Variants in COL6A5 observed in about 807,000 individuals in gnomAD.
COL6A5 encodes the protein collagen alpha-5(VI) chain.
Under a neutral mutation model 65.6 loss-of-function variants are expected in COL6A5, and 48 were observed. That is an observed-to-expected ratio of 0.73 (90% CI 0.58 to 0.93). The LOEUF (loss-of-function observed/expected upper bound fraction) is 0.93. Ranked by LOEUF, COL6A5 falls within the 40% of genes least tolerant of loss-of-function variation. The pLI, the probability that COL6A5 is intolerant of heterozygous loss-of-function variation, is 0.00. For missense variants in COL6A5, 914 were observed against 928.3 expected, an observed-to-expected ratio of 0.98 and a Z score of 0.20; for synonymous variants, 291 against 322.8, an observed-to-expected ratio of 0.90 and a Z score of 1.05.
intron 13 of COL6A5, among the ~76,000 whole-genome samples, chr3:130,404,011 C>T (rs922871613): frequency 2.0e-4 from 30 of 152,276 alleles, no homozygotes; most frequent in African/African-American, 5.8e-4. Context: ...GCACCCTCCT[C>T]TCTACCCCCA....
At chr3:130,439,783 G>A (rs942720627) in intron 2 of COL6A5, among the ~76,000 whole-genome samples, 168 bp downstream of exon 34, 1 of 152,122 alleles carries the variant, frequency 6.6e-6, no homozygotes, top group African/African-American at 2.4e-5. Context: ...GGAATGTTTG[G>A]AGTTTCCATA....
chr3:130,456,877 A>T (rs947975447), intron 5 of COL6A5, among the ~76,000 whole-genome samples: 2 of 152,130 alleles, frequency 1.3e-5, no homozygotes, highest in Non-Finnish European at 2.9e-5. Context: ...TTTCTAAAAT[A>T]TAAATACTCG....
chr3:130,411,133 C>T (rs1937162484), intron 20 of COL6A5, among the ~76,000 whole-genome samples: 1 of 152,118 alleles, frequency 6.6e-6, no homozygotes, highest in African/African-American at 2.4e-5. Flanking sequence ...TTACAGCATC[C>T]CACGTTATAT....
At chr3:130,345,977 GC>G (rs1934458925) in exon 1 of COL6A5, 2 of 398,592 alleles carry the variant, frequency 5.0e-6, no homozygotes, top group Admixed American at 4.4e-5. Flanking sequence ...CCCCGGGAAA[GC>G]TGGGTAAGTA....
chr3:130,362,348 G>A (rs1935172094), intron 1 of COL6A5, among the ~76,000 whole-genome samples: 1 of 75,870 alleles, frequency 1.3e-5, no homozygotes, highest in South Asian at 4.2e-4. Flanking sequence ...TTTTTTTTTT[G>A]CATGTGGATG....
At chr3:130,369,892 G>A (rs1294110192) in intron 1 of COL6A5, among the ~76,000 whole-genome samples, 1 of 152,106 alleles carries the variant, frequency 6.6e-6, no homozygotes, top group Non-Finnish European at 1.5e-5. Context: ...AGTGGGCTTG[G>A]GGTGCCCTTC....
chr3:130,354,738 T>C (rs1293193343), intron 1 of COL6A5, among the ~76,000 whole-genome samples: 1 of 152,206 alleles, frequency 6.6e-6, no homozygotes, highest in African/African-American at 2.4e-5. Context: ...CATTGATCTC[T>C]TTAGCCTGGG....
intron 4 of COL6A5, among the ~76,000 whole-genome samples, chr3:130,380,980 T>A (rs1286178288): frequency 3.3e-5 from 5 of 152,086 alleles, no homozygotes; most frequent in African/African-American, 1.2e-4. Context: ...TCCAAAATAA[T>A]GGCTCCAGGC....
chr3:130,410,432 T>A (rs762755484), intron 19 of COL6A5, 39 bp from the exon 20 acceptor site: 1 of 1,478,688 alleles, frequency 6.8e-7, no homozygotes, highest in South Asian at 1.2e-5. Context: ...TATTCAGAAT[T>A]TTTTCCTTTT....
At chr3:130,440,640 C>T (rs762317364) in exon 3 of COL6A5, 1 of 1,613,304 alleles carries the variant, frequency 6.2e-7, no homozygotes, top group African/African-American at 1.3e-5. Flanking sequence ...AAAATGATGG[C>T]TTTGAGGGCT....
intron 2 of COL6A5, 25 bp downstream of exon 2, chr3:130,373,730 A>C: frequency 7.2e-7 from 1 of 1,393,118 alleles, no homozygotes; most frequent in Middle Eastern, 1.8e-4. Context: ...TACGTTTATT[A>C]TTATTTAGGA....
rs1936401565 is a variant in COL6A5, at chr3:130,391,539, G to A, written c.2777G>A (p.Gly926Glu). 15 of 1,551,650 alleles carry A rather than the reference G, an allele frequency of 9.7e-6. No homozygotes were observed. The East Asian group carries it at 3.7e-4, about 38-fold the overall frequency. The change falls in exon 7 of 42, where the codon GGG (glycine) becomes GAG (glutamate). Residue 926 changes from glycine (G) to glutamate (E), a missense_variant and NMD_transcript_variant. Coordinates refer to the COL6A5 transcript ENST00000312481. ...CAGATGCTGATTGTCATCACCGATG[G>A]GGAATCCCATGACCATGATCAGCTC... is the stretch of plus-strand genomic sequence containing the variant.
upstream of COL6A5, among the ~76,000 whole-genome samples, chr3:130,430,115 C>A (rs577280231): frequency 1.0e-3 from 152 of 152,310 alleles, no homozygotes; most frequent in African/African-American, 3.4e-3. Context: ...GTGGCTATGT[C>A]AATTTCAAAA....
At chr3:130,440,818 G>A (rs778454018) in exon 3 of COL6A5, 11 of 1,607,572 alleles carry the variant, frequency 6.8e-6, no homozygotes, top group South Asian at 2.2e-5. Flanking sequence ...TTTTATACTC[G>A]GTCAGGCGTA....
rs373650908 is a variant in COL6A5 at position 130,405,586 on chromosome 3, A to G, written c.4282-2A>G. On this transcript the variant is annotated splice_acceptor_variant and NMD_transcript_variant, in intron 13 of 41. Coordinates refer to the COL6A5 transcript ENST00000312481. ...GGTACCTGTCTGTGCTCCTTTTCTT[A>G]GGGAGTACGAGGAGACACAGGACCC... The G allele has an allele frequency of 1.7e-5, 27 of 1,549,992 alleles. 1 individual carries two copies. The highest frequency in any genetic ancestry group is 1.2e-4 in the East Asian group (5 of 40,892).
At chr3:130,428,734 G>A (rs1401416685), upstream of COL6A5, among the ~76,000 whole-genome samples, 2 of 152,160 alleles carry the variant, frequency 1.3e-5, no homozygotes, top group African/African-American at 4.8e-5. Context: ...TGTGGGTTAT[G>A]TGTGCTGTCT....
At chr3:130,421,247 C>A in intron 26 of COL6A5, 44 bp downstream of exon 26, 4 of 1,544,258 alleles carry the variant, frequency 2.6e-6, no homozygotes, top group Non-Finnish European at 3.5e-6. Context: ...ATGAATCAAA[C>A]TAAATAATAC....
chr3:130,420,157 A>G (rs7428148), intron 25 of COL6A5, among the ~76,000 whole-genome samples: 2 of 89,250 alleles, frequency 2.2e-5, no homozygotes, highest in African/African-American at 6.5e-5. Flanking sequence ...AGGAAGGAAG[A>G]GAGGAAAGAA....
intron 11 of COL6A5, among the ~76,000 whole-genome samples, 183 bp from the exon 12 acceptor site, chr3:130,401,579 G>A (rs763656982): frequency 6.6e-6 from 1 of 152,222 alleles, no homozygotes; most frequent in Non-Finnish European, 1.5e-5. Flanking sequence ...TGTTGCCAAT[G>A]CAGTGCCTGG....
Sources: allele counts gnomAD v4.1 joint callset (sites outside exome capture counted in the v4.1 genomes callset), GRCh38; gene constraint gnomAD v4.1.1; transcripts MANE v1.5; gene names NCBI Gene and HGNC (gene_info 2026-07-23, HGNC 2026-07-21).